LRRC4C: variants seen among roughly 807,000 people sequenced by gnomAD.
The protein encoded by LRRC4C is leucine-rich repeat-containing protein 4C.
Under a neutral mutation model 33.6 loss-of-function variants are expected in LRRC4C, and 5 were observed. The ratio of observed to expected loss-of-function variants is 0.15; its 90% confidence interval spans 0.08 to 0.31. The LOEUF (loss-of-function observed/expected upper bound fraction) is 0.31. Ranked by LOEUF, LRRC4C falls within the 10% of genes least tolerant of loss-of-function variation. The pLI is 1.00. For synonymous variants in LRRC4C, 329 were observed against 302.0 expected, an observed-to-expected ratio of 1.09 and a Z score of -0.93; for missense variants, 560 against 796.7, an observed-to-expected ratio of 0.70 and a Z score of 3.58.
At chr11:40,195,775 A>C (rs1862214210) in intron 5 of LRRC4C, among the ~76,000 whole-genome samples, 1 of 152,086 alleles carries the variant, frequency 6.6e-6, no homozygotes, top group African/African-American at 2.4e-5. Flanking sequence ...TGACTTCCAG[A>C]GGGCAAAGAA....
chr11:40,485,502 C>A (rs1302994112), intron 3 of LRRC4C, among the ~76,000 whole-genome samples: 1 of 151,786 alleles, frequency 6.6e-6, no homozygotes, highest in Non-Finnish European at 1.5e-5. Context: ...CATTTCAAGT[C>A]CCTAATGAAC....
intron 3 of LRRC4C, among the ~76,000 whole-genome samples, chr11:40,421,163 T>C (rs1177117866): frequency 6.6e-6 from 1 of 152,226 alleles, no homozygotes; most frequent in Non-Finnish European, 1.5e-5. Flanking sequence ...TAATACTTTC[T>C]TGATATACCA....
chr11:41,315,439 C>G (rs1419175867), intron 1 of LRRC4C, among the ~76,000 whole-genome samples: 3 of 152,130 alleles, frequency 2.0e-5, no homozygotes, highest in Non-Finnish European at 4.4e-5. Flanking sequence ...TGAGGGAAAA[C>G]AGGTGTCGTG....
At position 40,847,334 on chromosome 11, in the gene LRRC4C, T is replaced by C. The variant is rs570488501; in HGVS notation, c.-407+86301A>G. On this transcript the variant is annotated intron_variant, in intron 2 of 6. Transcript: ENST00000528697. ...ATATACTTTCCATCAATACCTAGTTTATTGAATGTTTTTTAGCATGAAGGA... is the reference window on the plus strand; with the variant it reads ...ATATACTTTCCATCAATACCTAGTTCATTGAATGTTTTTTAGCATGAAGGA... Among the ~76,000 whole-genome samples, 37 of 152,354 alleles carry C rather than the reference T, an allele frequency of 2.4e-4. 1 individual carries two copies. The highest frequency in any genetic ancestry group is 3.4e-3 in the Middle Eastern group (1 of 294).
intron 1 of LRRC4C, among the ~76,000 whole-genome samples, chr11:41,297,758 T>C (rs2137054514): frequency 6.6e-6 from 1 of 152,310 alleles, no homozygotes; most frequent in Middle Eastern, 3.4e-3. Flanking sequence ...AATGGATCAC[T>C]TTAAAATATG....
intron 1 of LRRC4C, among the ~76,000 whole-genome samples, chr11:41,094,121 A>G (rs188674139): frequency 0.021 from 3,043 of 143,204 alleles, 65 homozygotes; most frequent in Admixed American, 0.058. Context: ...GTATCGGGGG[A>G]AAAAAAAAAA....
chr11:41,383,610 G>T (rs1187873394), intron 1 of LRRC4C, among the ~76,000 whole-genome samples: 1 of 151,754 alleles, frequency 6.6e-6, no homozygotes, highest in Non-Finnish European at 1.5e-5. Flanking sequence ...AGCATGGAAT[G>T]ATCATTGAAT....
At chr11:41,138,920 C>A (rs1943382661) in intron 1 of LRRC4C, among the ~76,000 whole-genome samples, 1 of 152,232 alleles carries the variant, frequency 6.6e-6, no homozygotes, top group Admixed American at 6.5e-5. Flanking sequence ...TTAGAGAGAA[C>A]TTTTAAACCC....
intron 1 of LRRC4C, among the ~76,000 whole-genome samples, chr11:40,998,933 A>G (rs1854168718): frequency 6.6e-6 from 1 of 152,108 alleles, no homozygotes; most frequent in Admixed American, 6.6e-5. Flanking sequence ...CGCATCATCT[A>G]TGTATGTATT....
intron 2 of LRRC4C, among the ~76,000 whole-genome samples, chr11:40,689,950 A>G (rs1346467054): frequency 6.6e-6 from 1 of 152,112 alleles, no homozygotes. Flanking sequence ...CGGCTAACTC[A>G]TTTACTTATT....
chr11:40,652,532 C>G (rs1209037350), intron 2 of LRRC4C, among the ~76,000 whole-genome samples: 1 of 152,132 alleles, frequency 6.6e-6, no homozygotes, highest in East Asian at 1.9e-4. Context: ...AAAAATGTAA[C>G]AGCACTAAAG....
chr11:41,007,332 T>C (rs1329094576), intron 1 of LRRC4C, among the ~76,000 whole-genome samples: 1 of 152,022 alleles, frequency 6.6e-6, no homozygotes, highest in Non-Finnish European at 1.5e-5. Flanking sequence ...ACTCACTAAT[T>C]ATTCTGTAAA....
At chr11:41,318,363 C>T (rs1162431154) in intron 1 of LRRC4C, among the ~76,000 whole-genome samples, 1 of 152,056 alleles carries the variant, frequency 6.6e-6, no homozygotes, top group Non-Finnish European at 1.5e-5. Flanking sequence ...TTAACCTTAC[C>T]TGGTAGTGCA....
intron 1 of LRRC4C, among the ~76,000 whole-genome samples, chr11:41,384,021 T>C (rs559846784): frequency 1.3e-5 from 2 of 152,094 alleles, no homozygotes; most frequent in South Asian, 2.1e-4. Flanking sequence ...CTACCCATTA[T>C]AGCCTTTAGT....
At chr11:40,706,918 G>T (rs570859503) in intron 2 of LRRC4C, among the ~76,000 whole-genome samples, 1 of 152,236 alleles carries the variant, frequency 6.6e-6, no homozygotes, top group Non-Finnish European at 1.5e-5. Flanking sequence ...CCTTGAAGAG[G>T]TCCTTCACTT....
intron 2 of LRRC4C, among the ~76,000 whole-genome samples, chr11:40,891,644 A>G (rs1051687298): frequency 6.6e-6 from 1 of 152,250 alleles, no homozygotes; most frequent in African/African-American, 2.4e-5. Context: ...AGACAGATAT[A>G]TAAAAATGTG....
At chr11:40,831,521 A>G (rs1952411035) in intron 2 of LRRC4C, among the ~76,000 whole-genome samples, 1 of 152,222 alleles carries the variant, frequency 6.6e-6, no homozygotes, top group Admixed American at 6.5e-5. Context: ...ATTTATTCTT[A>G]AAATGTAATT....
intron 3 of LRRC4C, among the ~76,000 whole-genome samples, chr11:40,448,961 T>A (rs1332115357): frequency 6.6e-6 from 1 of 152,232 alleles, no homozygotes; most frequent in Admixed American, 6.5e-5. Context: ...TGAAATGATA[T>A]CTCATTGTGG....
At chr11:41,174,100 T>C (rs1945095169) in intron 1 of LRRC4C, among the ~76,000 whole-genome samples, 1 of 152,058 alleles carries the variant, frequency 6.6e-6, no homozygotes, top group Non-Finnish European at 1.5e-5. Flanking sequence ...TATTTTGTGA[T>C]ACCTATGCTA....
Sources: allele counts gnomAD v4.1 joint callset (sites outside exome capture counted in the v4.1 genomes callset), GRCh38; gene constraint gnomAD v4.1.1; transcripts MANE v1.5; gene names NCBI Gene and HGNC (gene_info 2026-07-23, HGNC 2026-07-21).